CACNA2D3: variants seen among roughly 807,000 people sequenced by gnomAD.
CACNA2D3 encodes voltage-dependent calcium channel subunit alpha-2/delta-3.
CACNA2D3 carries 60 observed loss-of-function variants against 160.6 expected under a neutral mutation model. The ratio of observed to expected loss-of-function variants is 0.37; its 90% CI spans 0.30 to 0.46. The LOEUF is 0.46. Among genes scored for constraint, CACNA2D3 ranks in the 20% least tolerant of loss-of-function variants. The pLI, the probability that CACNA2D3 is intolerant of heterozygous loss-of-function variation, is 1.00. For missense variants in CACNA2D3, 1,205 were observed against 1,365.0 expected (o/e 0.88, Z 1.85); for synonymous variants, 558 against 492.9 (o/e 1.13, Z -1.75).
At chr3:54,268,210 A>G (rs891245497) in intron 2 of CACNA2D3, among the ~76,000 whole-genome samples, 1 of 152,162 alleles carries the variant, frequency 6.6e-6, no homozygotes, top group Non-Finnish European at 1.5e-5. Flanking sequence ...TGCTCACGTG[A>G]AAGAACTGCT....
At chr3:54,150,454 A>G (rs7628286) in intron 2 of CACNA2D3, among the ~76,000 whole-genome samples, 148,899 of 152,278 alleles carry the variant, frequency 0.98, 72,832 homozygotes, top group East Asian at 1. Flanking sequence ...AAGGGCAGGG[A>G]CTCCACAGGC....
At chr3:54,645,683 C>T (rs1965073) in intron 11 of CACNA2D3, among the ~76,000 whole-genome samples, 104,405 of 152,074 alleles carry the variant, frequency 0.69, 38,679 homozygotes, top group Non-Finnish European at 0.82. Context: ...TAGGTTTGCC[C>T]GGAGCCTTCC....
At chr3:54,535,262 T>G (rs930292153) in intron 5 of CACNA2D3, among the ~76,000 whole-genome samples, 3 of 152,240 alleles carry the variant, frequency 2.0e-5, no homozygotes, top group Non-Finnish European at 2.9e-5. Flanking sequence ...GCAATCTTGT[T>G]TTTTTACAAG....
chr3:54,804,030 T>TC (rs1703056909), intron 13 of CACNA2D3, among the ~76,000 whole-genome samples: 2 of 152,062 alleles, frequency 1.3e-5, no homozygotes, highest in South Asian at 4.2e-4. Flanking sequence ...CCACCAGGCC[T>TC]GCCCTAAAAG....
Position 54,464,040 on chromosome 3 carries a change from A to G in CACNA2D3, c.382-39452A>G, listed in dbSNP as rs899392658. Among the ~76,000 whole-genome samples the G allele has an allele frequency of 1.2e-3, 184 of 152,364 alleles. 1 individual carries two copies. Among genetic ancestry groups the G allele is most frequent in the African/African-American group, 4.3e-3 (179 of 41,588 alleles). On this transcript the variant is annotated intron_variant, in intron 4 of 37. Coordinates refer to ENST00000474759, the MANE Select transcript of CACNA2D3 (RefSeq NM_018398.3). The stretch of plus-strand genomic sequence containing the variant: ...TTGGAGTTTGCTAGAGGTGCACTCC[A>G]GACCCTGTTTGCCTTGGTACCAGCA...
At chr3:54,679,961 T>G (rs1477064209) in intron 11 of CACNA2D3, among the ~76,000 whole-genome samples, 1 of 152,250 alleles carries the variant, frequency 6.6e-6, no homozygotes, top group Non-Finnish European at 1.5e-5. Flanking sequence ...GAGTGAACAT[T>G]TTTGTTGCTG....
At chr3:54,672,016 T>C (rs1025034921) in intron 11 of CACNA2D3, among the ~76,000 whole-genome samples, 12 of 152,212 alleles carry the variant, frequency 7.9e-5, no homozygotes, top group African/African-American at 2.9e-4. Context: ...AGGTGTACTC[T>C]GAAAGTTTCC....
intron 11 of CACNA2D3, among the ~76,000 whole-genome samples, chr3:54,660,873 A>G (rs1286232313): frequency 6.6e-6 from 1 of 152,150 alleles, no homozygotes; most frequent in Non-Finnish European, 1.5e-5. Context: ...TCCTAATGTA[A>G]AAATAGATTT....
intron 14 of CACNA2D3, among the ~76,000 whole-genome samples, chr3:54,832,057 G>A (rs941966113): frequency 3.3e-4 from 21 of 63,660 alleles, no homozygotes; most frequent in Non-Finnish European, 5.3e-4. Context: ...ACACACACAC[G>A]TCTCTCCTCC....
rs1354077430 is a variant in CACNA2D3, at chr3:54,453,740, C to T, written c.382-49752C>T. On this transcript the variant is annotated intron_variant, in intron 4 of 37. Coordinates refer to ENST00000474759, the MANE Select transcript of CACNA2D3 (RefSeq NM_018398.3). ...GGTAAGTTGTGTCCATGTGGTTGTC[C>T]CCACCAGTTCCTCAACTGCTTATAT... Among the ~76,000 whole-genome samples the T allele has an allele frequency of 4.6e-5, 7 of 151,958 alleles. No homozygotes were observed. The East Asian group carries it at 1.3e-3, about 29-fold the overall frequency.
intron 5 of CACNA2D3, among the ~76,000 whole-genome samples, chr3:54,530,266 T>A (rs1478628036): frequency 1.3e-5 from 2 of 152,184 alleles, no homozygotes; most frequent in Admixed American, 1.3e-4. Context: ...CTGGGACTGT[T>A]CTGCCTGCGC....
At chr3:54,887,895 G>A in intron 23 of CACNA2D3, 64 bp from the exon 24 acceptor site, 4 of 1,222,072 alleles carry the variant, frequency 3.3e-6, no homozygotes, top group Non-Finnish European at 4.9e-6. Flanking sequence ...ATGAGCCCAT[G>A]AGTGCCTCTC....
intron 4 of CACNA2D3, among the ~76,000 whole-genome samples, chr3:54,484,753 C>T (rs1029501463): frequency 6.6e-6 from 1 of 152,166 alleles, no homozygotes; most frequent in East Asian, 1.9e-4. Context: ...TTATTTCTTA[C>T]TTAAATTGGA....
chr3:55,013,880 T>G (rs1703266058), intron 34 of CACNA2D3, among the ~76,000 whole-genome samples: 1 of 152,206 alleles, frequency 6.6e-6, no homozygotes, highest in Non-Finnish European at 1.5e-5. Flanking sequence ...AAGTCAGTTT[T>G]TCTCATCAGG....
intron 31 of CACNA2D3, among the ~76,000 whole-genome samples, chr3:55,000,955 C>G (rs1330776860): frequency 6.6e-6 from 1 of 152,196 alleles, no homozygotes; most frequent in Non-Finnish European, 1.5e-5. Context: ...TGGCCCCCTA[C>G]TAAATCTGGC....
At chr3:54,497,068 T>C (rs780526974) in intron 4 of CACNA2D3, among the ~76,000 whole-genome samples, 3 of 152,146 alleles carry the variant, frequency 2.0e-5, no homozygotes, top group Non-Finnish European at 2.9e-5. Flanking sequence ...TTTCTTCTTT[T>C]TAAAAATTGT....
chr3:54,290,175 T>C (rs1296387707), intron 2 of CACNA2D3, among the ~76,000 whole-genome samples: 1 of 152,088 alleles, frequency 6.6e-6, no homozygotes, highest in Non-Finnish European at 1.5e-5. Context: ...AAAGGGCTAA[T>C]ATCCAGAATC....
intron 21 of CACNA2D3, among the ~76,000 whole-genome samples, chr3:54,883,054 T>C (rs190964191): frequency 6.6e-6 from 1 of 152,328 alleles, no homozygotes; most frequent in Admixed American, 6.5e-5. Context: ...GGAGTCTTGC[T>C]CTGTTGCTGA....
At chr3:54,184,446 C>G (rs1700842742) in intron 2 of CACNA2D3, among the ~76,000 whole-genome samples, 1 of 152,132 alleles carries the variant, frequency 6.6e-6, no homozygotes, top group Admixed American at 6.5e-5. Context: ...GGTCATTTGC[C>G]CAAGATCATG....
Sources: gnomAD v4.1 joint callset for allele counts (sites outside exome capture counted in the v4.1 genomes callset) on GRCh38, gnomAD v4.1.1 for gene constraint, MANE v1.5 for transcripts, NCBI Gene and HGNC (gene_info 2026-07-23, HGNC 2026-07-21) for gene names.